Variants in BAZ2B observed in about 807,000 individuals in gnomAD.
BAZ2B encodes bromodomain adjacent to zinc finger domain 2B, also known as bromodomain adjacent to zinc finger domain protein 2B.
BAZ2B carries 91 observed loss-of-function variants against 246.0 expected under a neutral mutation model. The observed-to-expected ratio is 0.37, with a 90% CI of 0.31 to 0.44. The LOEUF (loss-of-function observed/expected upper bound fraction) is 0.44, where lower values mean the gene tolerates loss of function less well. BAZ2B is among the 20% of genes least tolerant of loss of function. The pLI, the probability that BAZ2B is intolerant of heterozygous loss-of-function variation, is 1.00. For synonymous variants in BAZ2B, 855 were observed against 860.0 expected (o/e 0.99, Z 0.10); for missense variants, 2,332 against 2,533.7 (o/e 0.92, Z 1.71).
At chr2:159,689,368 T>G in the BAZ2B span, 1 of 232,132 alleles carries the variant, frequency 4.3e-6, no homozygotes, top group Non-Finnish European at 7.4e-6. Flanking sequence ...GCATTTTTAC[T>G]TTCCTTTTTT....
intron 1 of BAZ2B, among the ~76,000 whole-genome samples, chr2:159,596,807 T>G (rs1189107736): frequency 3.3e-5 from 5 of 152,360 alleles, no homozygotes; most frequent in Non-Finnish European, 7.3e-5. Flanking sequence ...ATTCCTCGGT[T>G]ACTTCACTTA....
chr2:159,353,195 T>G (rs1468299798), intron 27 of BAZ2B, among the ~76,000 whole-genome samples: 3 of 152,208 alleles, frequency 2.0e-5, no homozygotes, highest in Non-Finnish European at 4.4e-5. Flanking sequence ...AGCCCTCATA[T>G]CCTTCTCTTC....
At chr2:159,631,000 C>T in the BAZ2B span, among the ~76,000 whole-genome samples, 1 of 152,072 alleles carries the variant, frequency 6.6e-6, no homozygotes, top group African/African-American at 2.4e-5. Flanking sequence ...TAGAGACCAG[C>T]CTCGGCAACG....
intron 2 of BAZ2B, among the ~76,000 whole-genome samples, chr2:159,532,643 T>TA (rs1307692618): frequency 6.6e-6 from 1 of 152,204 alleles, no homozygotes; most frequent in African/African-American, 2.4e-5. Context: ...TCTAAGTACT[T>TA]ATGTTAATCA....
chr2:159,372,030 A>AT (rs2060904470), intron 27 of BAZ2B, among the ~76,000 whole-genome samples: 1 of 152,220 alleles, frequency 6.6e-6, no homozygotes, highest in Non-Finnish European at 1.5e-5. Context: ...TAACATTTTC[A>AT]TTTAAAAAAA....
the BAZ2B span, among the ~76,000 whole-genome samples, chr2:159,704,796 G>A: frequency 6.6e-6 from 1 of 151,752 alleles, no homozygotes; most frequent in East Asian, 1.9e-4. Flanking sequence ...TTTGTTTTTT[G>A]AGTTCTCGCC....
chr2:159,705,524 GT>G, the BAZ2B span, among the ~76,000 whole-genome samples: 1 of 152,128 alleles, frequency 6.6e-6, no homozygotes, highest in African/African-American at 2.4e-5. Context: ...TATAACAAAG[GT>G]GGTCTTTCTA....
intron 16 of BAZ2B, 40 bp from the exon 17 acceptor site, chr2:159,400,704 ACTAT>A (rs749438917): frequency 6.0e-6 from 7 of 1,174,358 alleles, no homozygotes; most frequent in South Asian, 5.2e-5. Context: ...AATAAAATAA[ACTAT>A]CTGAGTAAAG....
chr2:159,452,688 A>C (rs2075251745), intron 4 of BAZ2B, among the ~76,000 whole-genome samples: 1 of 152,238 alleles, frequency 6.6e-6, no homozygotes, highest in Admixed American at 6.5e-5. Flanking sequence ...ACGTTTGTCG[A>C]AAGTTTTAAT....
intron 27 of BAZ2B, among the ~76,000 whole-genome samples, chr2:159,357,296 TG>T (rs755764928): frequency 1.3e-5 from 2 of 151,852 alleles, no homozygotes; most frequent in African/African-American, 2.4e-5. Context: ...CTGATGGAGC[TG>T]AAAAACACAG....
intron 2 of BAZ2B, among the ~76,000 whole-genome samples, chr2:159,491,366 G>T (rs2080433725): frequency 1.3e-5 from 2 of 152,134 alleles, no homozygotes; most frequent in Admixed American, 1.3e-4. Flanking sequence ...CTGCTAGAAA[G>T]GAGGTATATA....
At chr2:159,529,532 A>T (rs935678280) in intron 2 of BAZ2B, among the ~76,000 whole-genome samples, 1 of 152,080 alleles carries the variant, frequency 6.6e-6, no homozygotes, top group Non-Finnish European at 1.5e-5. Flanking sequence ...TCACTTCCTT[A>T]AGATCTCTGC....
intron 1 of BAZ2B, among the ~76,000 whole-genome samples, chr2:159,556,901 C>A (rs1277642372): frequency 1.3e-5 from 2 of 152,042 alleles, no homozygotes; most frequent in Non-Finnish European, 2.9e-5. Flanking sequence ...ATAACGAATC[C>A]TTCAAAGGGG....
chr2:159,374,556 G>T, intron 26 of BAZ2B, 135 bp downstream of exon 26: 1 of 678,610 alleles, frequency 1.5e-6, no homozygotes. Context: ...TGACAAAAAT[G>T]CTATTCAGAA....
intron 1 of BAZ2B, among the ~76,000 whole-genome samples, chr2:159,594,333 G>A (rs905438466): frequency 2.6e-4 from 40 of 152,198 alleles, no homozygotes; most frequent in Non-Finnish European, 5.0e-4. Flanking sequence ...CATGAACCCG[G>A]GAGGCGGAGC....
the BAZ2B span, among the ~76,000 whole-genome samples, chr2:159,681,080 T>C: frequency 1.3e-5 from 2 of 152,214 alleles, no homozygotes; most frequent in Non-Finnish European, 2.9e-5. Flanking sequence ...AAAATTTCCT[T>C]CTACATAAAA....
At chr2:159,613,088 CA>C (rs1695039476) in intron 1 of BAZ2B, among the ~76,000 whole-genome samples, 1 of 151,908 alleles carries the variant, frequency 6.6e-6, no homozygotes, top group Non-Finnish European at 1.5e-5. Flanking sequence ...CATAAGAATC[CA>C]TCTATTCTAA....
intron 27 of BAZ2B, among the ~76,000 whole-genome samples, chr2:159,363,411 G>A (rs2059916974): frequency 6.6e-6 from 1 of 152,158 alleles, no homozygotes. Context: ...AGAGAATGTT[G>A]GATGACCGAA....
At chr2:159,382,900 C>A in intron 24 of BAZ2B, 98 bp from the exon 25 acceptor site, 1 of 1,449,800 alleles carries the variant, frequency 6.9e-7, no homozygotes, top group South Asian at 1.4e-5. Context: ...TACCTTATGG[C>A]ATTTCTTTTG....
Sources: gnomAD v4.1 joint callset for allele counts (sites outside exome capture counted in the v4.1 genomes callset) on GRCh38, gnomAD v4.1.1 for gene constraint, MANE v1.5 for transcripts, NCBI Gene and HGNC (gene_info 2026-07-23, HGNC 2026-07-21) for gene names.